The following ATF7 variants were observed in gnomAD, a reference collection of about 807,000 sequenced individuals.
The protein encoded by ATF7 is cyclic AMP-dependent transcription factor ATF-7.
In ATF7, 10 loss-of-function variants were observed where a neutral mutation model predicts 50.4. The ratio of observed to expected loss-of-function variants is 0.20; its 90% CI spans 0.12 to 0.34. The LOEUF is 0.34. Ranked by LOEUF, ATF7 falls within the 10% of genes least tolerant of loss-of-function variation. The probability of loss-of-function intolerance (pLI) is 1.00; values close to 1 mark genes in which losing one functional copy is unlikely to be tolerated. For missense variants in ATF7, 465 were observed against 613.9 expected, an observed-to-expected ratio of 0.76 and a Z score of 2.56; for synonymous variants, 201 against 226.4, an observed-to-expected ratio of 0.89 and a Z score of 1.01.
intron 2 of ATF7, among the ~76,000 whole-genome samples, chr12:53,561,986 G>A (rs192119850): frequency 6.6e-5 from 10 of 152,272 alleles, no homozygotes; most frequent in Admixed American, 6.5e-5. Context: ...ACAGAGGAGC[G>A]GGGACAACCC....
chr12:53,545,626 G>A (rs891520003), intron 3 of ATF7, among the ~76,000 whole-genome samples: 5 of 152,000 alleles, frequency 3.3e-5, no homozygotes, highest in South Asian at 2.1e-4. Flanking sequence ...GTGAGCCACC[G>A]CGCCTAGCCA....
At chr12:53,518,329 T>C (rs1937857229) in intron 11 of ATF7, among the ~76,000 whole-genome samples, 1 of 152,282 alleles carries the variant, frequency 6.6e-6, no homozygotes, top group Non-Finnish European at 1.5e-5. Context: ...GACTAAAAAT[T>C]AGCTAGGCAT....
intron 1 of ATF7, among the ~76,000 whole-genome samples, chr12:53,603,737 A>T (rs993305587): frequency 1.3e-5 from 2 of 151,798 alleles, no homozygotes; most frequent in African/African-American, 4.8e-5. Context: ...AAAAAAAAAC[A>T]CAGCTAACAC....
At chr12:53,606,915 G>C (rs1943635431) in intron 1 of ATF7, among the ~76,000 whole-genome samples, 1 of 152,036 alleles carries the variant, frequency 6.6e-6, no homozygotes, top group Non-Finnish European at 1.5e-5. Flanking sequence ...TGGCTGCATA[G>C]TATTCCATGG....
At position 53,524,497 on chromosome 12, in the gene ATF7, T is replaced by G. The variant is rs1330127873; in HGVS notation, c.1125+67A>C. 1.7e-5 allele frequency: 26 copies of G among 1,562,884 alleles called. No homozygotes were observed. The highest frequency in any genetic ancestry group is 2.1e-5 in the Non-Finnish European group (24 of 1,143,356). On this transcript the variant is annotated intron_variant, in intron 10 of 11. Coordinates refer to ENST00000420353, the MANE Select transcript of ATF7 (RefSeq NM_006856.3). This position sits in a 1 kb window ranked among gnomAD's most constrained non-coding sequence, Gnocchi z 4.6. The stretch of plus-strand genomic sequence containing the variant: ...ACCATCTTCTATCAAATTGTACCAC[T>G]TTTTTCTGATTCCATCCCACTTTCT...
At chr12:53,553,378 AT>A (rs565785995) in intron 2 of ATF7, among the ~76,000 whole-genome samples, 2 of 152,174 alleles carry the variant, frequency 1.3e-5, no homozygotes, top group South Asian at 2.1e-4. Context: ...AGGAAAAAAT[AT>A]TTTTTTAGGG....
chr12:53,528,240 T>G (rs1260261623), intron 9 of ATF7, among the ~76,000 whole-genome samples: 5 of 152,232 alleles, frequency 3.3e-5, no homozygotes, highest in African/African-American at 1.2e-4. Flanking sequence ...GAGGCCTTGG[T>G]TCACTGTTTC....
At chr12:53,559,122 A>G (rs988304735) in intron 2 of ATF7, among the ~76,000 whole-genome samples, 2 of 141,322 alleles carry the variant, frequency 1.4e-5, no homozygotes, top group South Asian at 2.3e-4. Context: ...GTCTCTATTT[A>G]AAAAAAAAAA....
intron 1 of ATF7, among the ~76,000 whole-genome samples, chr12:53,609,472 A>T (rs1392102312): frequency 0.089 from 8 of 90 alleles, no homozygotes; most frequent in African/African-American, 0.24. Flanking sequence ...CTGTTTCTTA[A>T]AAAAAAAAAA....
intron 4 of ATF7, 68 bp from the exon 5 acceptor site, chr12:53,537,620 C>T: frequency 1.9e-6 from 3 of 1,554,712 alleles, no homozygotes; most frequent in South Asian, 1.2e-5. Flanking sequence ...TATATTTTCC[C>T]ATTTCCAAGA....
At chr12:53,581,577 C>A (rs1166725968) in intron 2 of ATF7, among the ~76,000 whole-genome samples, 1 of 151,942 alleles carries the variant, frequency 6.6e-6, no homozygotes, top group Non-Finnish European at 1.5e-5. Context: ...AAATAACATA[C>A]TTCTAAATAA....
At chr12:53,592,424 C>T (rs953739945) in intron 2 of ATF7, among the ~76,000 whole-genome samples, 1 of 152,226 alleles carries the variant, frequency 6.6e-6, no homozygotes, top group Non-Finnish European at 1.5e-5. Flanking sequence ...CATCTCCCTA[C>T]AATAAACTAT....
At chr12:53,587,834 TATATATA>T (rs1360799490) in intron 2 of ATF7, among the ~76,000 whole-genome samples, 2 of 47,318 alleles carry the variant, frequency 4.2e-5, no homozygotes, top group Admixed American at 3.1e-4. Flanking sequence ...TATATATATA[TATATATA>T]TATTTTTTTT....
At chr12:53,593,716 T>A (rs1286284388) in intron 2 of ATF7, among the ~76,000 whole-genome samples, 1 of 152,236 alleles carries the variant, frequency 6.6e-6, no homozygotes, top group Non-Finnish European at 1.5e-5. Context: ...GTTGTGAGTT[T>A]GAATTTTTTT....
intron 4 of ATF7, among the ~76,000 whole-genome samples, chr12:53,540,590 G>A (rs141994614): frequency 0.01 from 1,583 of 151,838 alleles, 27 homozygotes; most frequent in African/African-American, 0.036. Context: ...GCCAGGCGTC[G>A]TGGCATGCAC....
chr12:53,557,017 T>C (rs1023273996), intron 2 of ATF7, among the ~76,000 whole-genome samples: 6 of 151,750 alleles, frequency 4.0e-5, no homozygotes, highest in African/African-American at 1.2e-4. Context: ...CTCAGCTTCC[T>C]GAGTAGCTGG....
At chr12:53,618,014 C>T (rs570302560) in intron 1 of ATF7, among the ~76,000 whole-genome samples, 39 of 152,146 alleles carry the variant, frequency 2.6e-4, no homozygotes, top group African/African-American at 8.9e-4. Context: ...AGGGAAATGT[C>T]GAAGAGAAAA....
chr12:53,591,723 C>G (rs1193721496), intron 2 of ATF7, among the ~76,000 whole-genome samples: 1 of 152,158 alleles, frequency 6.6e-6, no homozygotes, highest in Non-Finnish European at 1.5e-5. Context: ...AGGAGGTGTT[C>G]CTTTTGCCAC....
intron 5 of ATF7, 113 bp from the exon 6 acceptor site, chr12:53,534,772 T>C: frequency 8.2e-7 from 1 of 1,215,180 alleles, no homozygotes; most frequent in East Asian, 2.6e-5. Flanking sequence ...GAGCCACTCA[T>C]TAAATCATGA....
Sources: gnomAD v4.1 joint callset for allele counts (sites outside exome capture counted in the v4.1 genomes callset) on GRCh38, gnomAD v4.1.1 for gene constraint, Gnocchi (gnomAD v3.1) non-coding constraint, MANE v1.5 for transcripts, NCBI Gene and HGNC (gene_info 2026-07-23, HGNC 2026-07-21) for gene names.